The following MCC variants were observed in gnomAD, a reference collection of about 807,000 sequenced individuals.
MCC encodes the protein MCC regulator of Wnt signaling pathway.
In MCC, 90 loss-of-function variants were observed where a neutral mutation model predicts 116.2. The ratio of observed to expected loss-of-function variants is 0.77; its 90% confidence interval spans 0.65 to 0.92. The LOEUF (loss-of-function observed/expected upper bound fraction) is 0.92, where lower values mean the gene tolerates loss of function less well. MCC is among the 40% of genes least tolerant of loss of function. The pLI, the probability that MCC is intolerant of heterozygous loss-of-function variation, is 0.00. For missense variants in MCC, 1,516 were observed against 1,312.2 expected (o/e 1.16, Z -2.40); for synonymous variants, 578 against 510.5 (o/e 1.13, Z -1.78).
intron 1 of MCC, chr5:113,433,351 G>C: frequency 2.6e-6 from 1 of 379,802 alleles, no homozygotes; most frequent in African/African-American, 2.1e-5. Context: ...CAACTGCCCC[G>C]GGGACGATGA....
chr5:113,300,143 T>C (rs780048843), intron 3 of MCC, among the ~76,000 whole-genome samples: 1 of 152,190 alleles, frequency 6.6e-6, no homozygotes, highest in Non-Finnish European at 1.5e-5. Context: ...CTGGGTCTGG[T>C]CTGTACCCTC....
chr5:113,453,702 T>A (rs1408181854), intron 1 of MCC, among the ~76,000 whole-genome samples: 2 of 152,178 alleles, frequency 1.3e-5, no homozygotes, highest in African/African-American at 4.8e-5. Flanking sequence ...ATCTCTGGGG[T>A]AAGGGTGCAG....
chr5:113,328,377 A>G (rs1200788983), intron 3 of MCC, among the ~76,000 whole-genome samples: 2 of 152,174 alleles, frequency 1.3e-5, no homozygotes, highest in Non-Finnish European at 2.9e-5. Flanking sequence ...CATGACAGAG[A>G]CTATTACCTA....
chr5:113,144,190 G>A (rs116654415), intron 4 of MCC, among the ~76,000 whole-genome samples: 2,293 of 152,316 alleles, frequency 0.015, 24 homozygotes, highest in Middle Eastern at 0.027. Context: ...GATGGACTAA[G>A]AGGCAGCAGA....
rs1430772662 is a variant in MCC, at chr5:113,101,669, T to C, written c.1398+70A>G. ...CACAAAATTCTCACGGTGCCCCTGG[T>C]GCTATACACCAGCCTCTCTCAGCCC... On this transcript the variant is annotated intron_variant, in intron 8 of 18. Coordinates refer to ENST00000408903, the MANE Select transcript of MCC (RefSeq NM_001085377.2). 3.3e-6 allele frequency: 5 copies of C among 1,508,682 alleles called. No individual in the cohort carries two copies. In the East Asian group the frequency reaches 1.1e-4, roughly 34 times the overall value. 93.5% of individuals were successfully genotyped at this position (1,508,682 alleles called of 1,614,324 possible).
intron 3 of MCC, among the ~76,000 whole-genome samples, chr5:113,281,115 T>C (rs1278868557): frequency 1.3e-5 from 2 of 152,240 alleles, no homozygotes; most frequent in Non-Finnish European, 2.9e-5. Flanking sequence ...AAAAAACTTC[T>C]TGCAAATAAA....
chr5:113,245,594 G>A (rs748176630), intron 3 of MCC, among the ~76,000 whole-genome samples: 7 of 152,126 alleles, frequency 4.6e-5, no homozygotes, highest in Non-Finnish European at 4.4e-5. Flanking sequence ...GGAATCCACT[G>A]TGAGAAACAA....
At chr5:113,119,302 G>A (rs1478762081) in intron 6 of MCC, among the ~76,000 whole-genome samples, 1 of 152,218 alleles carries the variant, frequency 6.6e-6, no homozygotes, top group Non-Finnish European at 1.5e-5. Flanking sequence ...TGTTATGAAA[G>A]AAAATGAAGC....
At chr5:113,325,617 G>A (rs755405835) in intron 3 of MCC, among the ~76,000 whole-genome samples, 1 of 149,604 alleles carries the variant, frequency 6.7e-6, no homozygotes, top group Non-Finnish European at 1.5e-5. Flanking sequence ...TGGTAATCTT[G>A]ACTACTTTAT....
chr5:113,212,909 C>T (rs1325962120), intron 3 of MCC, among the ~76,000 whole-genome samples: 1 of 152,208 alleles, frequency 6.6e-6, no homozygotes, highest in African/African-American at 2.4e-5. Flanking sequence ...CCTACTAATA[C>T]CTTTCATTCT....
At chr5:113,224,489 T>G (rs897007163) in intron 3 of MCC, among the ~76,000 whole-genome samples, 5 of 152,220 alleles carry the variant, frequency 3.3e-5, no homozygotes, top group African/African-American at 7.2e-5. Context: ...ACGCCTGTTT[T>G]CCTCACAGGA....
intron 6 of MCC, among the ~76,000 whole-genome samples, chr5:113,116,134 C>T (rs548189228): frequency 6.6e-6 from 1 of 152,296 alleles, no homozygotes; most frequent in African/African-American, 2.4e-5. Flanking sequence ...TAGGCTGTCT[C>T]CTGCCCTTGA....
intron 3 of MCC, among the ~76,000 whole-genome samples, chr5:113,207,475 C>T (rs925890188): frequency 2.4e-4 from 2 of 8,178 alleles, no homozygotes; most frequent in African/African-American, 5.0e-4. Flanking sequence ...GTGGGGTGGG[C>T]GGGGGCAGTG....
intron 3 of MCC, among the ~76,000 whole-genome samples, chr5:113,169,299 GA>G (rs1760943062): frequency 6.6e-6 from 1 of 152,050 alleles, no homozygotes; most frequent in South Asian, 2.1e-4. Context: ...AAGGAGAAAG[GA>G]AAATAATAAT....
intron 3 of MCC, among the ~76,000 whole-genome samples, chr5:113,180,939 TCTTTACA>T (rs1761597278): frequency 1.3e-5 from 2 of 151,856 alleles, no homozygotes; most frequent in Non-Finnish European, 2.9e-5. Context: ...ATCATTTATG[TCTTTACA>T]GTTTAATCTA....
intron 1 of MCC, among the ~76,000 whole-genome samples, chr5:113,472,120 C>G (rs1772110886): frequency 6.6e-6 from 1 of 152,162 alleles, no homozygotes; most frequent in South Asian, 2.1e-4. Context: ...CCGGGTGAGG[C>G]AATGCCTTGC....
In MCC at chr5:113,046,710, A is replaced by AAAAAG; in HGVS notation, c.2655+2382_2655+2383insCTTTT. On this transcript the variant is annotated intron_variant, in intron 16 of 18. Transcript: ENST00000408903. ...CAAAAAAAAAAAAAAAAAAAAAAAAAAGAGAGAGATTTTGAAGGTGTTTGT... is the reference window on the plus strand; with the variant it reads ...CAAAAAAAAAAAAAAAAAAAAAAAAAAAAAGAGAGAGAGATTTTGAAGGTGTTTGT... Among the ~76,000 whole-genome samples the AAAAAG allele has an allele frequency of 6.9e-3, 711 of 102,400 alleles. 121 individuals are homozygous for AAAAAG. The highest frequency in any genetic ancestry group is 9.6e-3 in the Non-Finnish European group (493 of 51,308). The allele number at this position is 102,400 out of a possible 152,430, so 67.2% of individuals were successfully genotyped here.
chr5:113,391,595 G>C (rs1769402088), intron 1 of MCC, among the ~76,000 whole-genome samples: 1 of 152,102 alleles, frequency 6.6e-6, no homozygotes, highest in African/African-American at 2.4e-5. Context: ...GGTGCACACT[G>C]TAGTCTCAGC....
intron 1 of MCC, among the ~76,000 whole-genome samples, chr5:113,430,957 T>C (rs1212138614): frequency 6.6e-6 from 1 of 152,100 alleles, no homozygotes; most frequent in Non-Finnish European, 1.5e-5. Flanking sequence ...CAAGCCTTGT[T>C]GAAAGCTAAA....
Sources: gnomAD v4.1 joint callset for allele counts (sites outside exome capture counted in the v4.1 genomes callset) on GRCh38, gnomAD v4.1.1 for gene constraint, MANE v1.5 for transcripts, NCBI Gene and HGNC (gene_info 2026-07-23, HGNC 2026-07-21) for gene names.